UTRN: variants seen among roughly 807,000 people sequenced by gnomAD.
The protein encoded by UTRN is utrophin, also known as dystrophin-related protein 1.
Under a neutral mutation model 463.9 loss-of-function variants are expected in UTRN, and 283 were observed. That is an observed-to-expected ratio of 0.61 (90% CI 0.55 to 0.67). The LOEUF (loss-of-function observed/expected upper bound fraction) is 0.67, where lower values mean the gene tolerates loss of function less well. Ranked by LOEUF, UTRN falls within the 30% of genes least tolerant of loss-of-function variation. The pLI is 0.00. For synonymous variants in UTRN, 1,442 were observed against 1,431.5 expected, an observed-to-expected ratio of 1.01 and a Z score of -0.17; for missense variants, 3,922 against 4,084.3, an observed-to-expected ratio of 0.96 and a Z score of 1.08.
intron 34 of UTRN, among the ~76,000 whole-genome samples, chr6:144,500,929 A>G (rs990877817): frequency 1.3e-5 from 2 of 152,196 alleles, no homozygotes; most frequent in Non-Finnish European, 2.9e-5. Context: ...TAAATGATCA[A>G]TACTGTGACT....
At chr6:144,504,404 A>G (rs1212174752) in intron 34 of UTRN, among the ~76,000 whole-genome samples, 1 of 152,106 alleles carries the variant, frequency 6.6e-6, no homozygotes, top group African/African-American at 2.4e-5. Context: ...TTATTTTGAG[A>G]TATGTTCAGT....
rs542994191 is a variant in UTRN, at chr6:144,747,356, A to G, written c.7940-890A>G. On this transcript the variant is annotated intron_variant, in intron 54 of 74. Coordinates refer to ENST00000367545, the MANE Select transcript of UTRN (RefSeq NM_007124.3). ...AAGGTGTAGAAGATAGTGAGGCCCC[A>G]GGAGTGTGGAGCCATGCTGGAGACC... Among the ~76,000 whole-genome samples the G allele has an allele frequency of 2.6e-5, 4 of 152,342 alleles. No homozygotes were observed. In the East Asian group the frequency reaches 7.7e-4, roughly 29 times the overall value.
At chr6:144,608,204 A>C (rs1353630716) in intron 51 of UTRN, among the ~76,000 whole-genome samples, 1 of 152,170 alleles carries the variant, frequency 6.6e-6, no homozygotes, top group African/African-American at 2.4e-5. Context: ...GAAGGCCTTA[A>C]TAGAAAAAGA....
intron 2 of UTRN, among the ~76,000 whole-genome samples, chr6:144,348,010 A>G (rs1777755189): frequency 2.6e-5 from 4 of 151,744 alleles, no homozygotes; most frequent in Admixed American, 2.6e-4. Context: ...TACCTGGCTA[A>G]TTTTTAATAG....
chr6:144,733,262 T>A (rs1487495668), intron 54 of UTRN, among the ~76,000 whole-genome samples: 2 of 152,158 alleles, frequency 1.3e-5, no homozygotes, highest in African/African-American at 2.4e-5. Context: ...CTTACACTTG[T>A]AATCCCAGGA....
intron 51 of UTRN, among the ~76,000 whole-genome samples, chr6:144,660,452 A>C (rs375606957): frequency 6.6e-6 from 1 of 152,146 alleles, no homozygotes; most frequent in Non-Finnish European, 1.5e-5. Flanking sequence ...GCTAATTAGC[A>C]ATTACTTCCT....
intron 51 of UTRN, among the ~76,000 whole-genome samples, chr6:144,646,080 C>G (rs1387543400): frequency 6.6e-6 from 1 of 152,128 alleles, no homozygotes; most frequent in East Asian, 1.9e-4. Flanking sequence ...AGGCCTAGGT[C>G]TACTCCTTCG....
In UTRN at chr6:144,461,292, A is replaced by C; in HGVS notation, c.2803A>C (p.Asn935His). The change falls in exon 22 of 75, where the codon AAT becomes CAT. Residue 935 changes from asparagine (N) to histidine (H), a missense_variant. Asn to His is a moderately conservative substitution (Grantham distance 68). Transcript: ENST00000367545. ...AGAAAATAAGGCCCAGGTGTCTCTGAATGTCCTTAATGATCTTGCCAAGGT... is the reference window on the plus strand; with the variant it reads ...AGAAAATAAGGCCCAGGTGTCTCTGCATGTCCTTAATGATCTTGCCAAGGT... ...DSENKAQVSL[N>H]VLNDLAKVEK... 6.2e-7 allele frequency: 1 copy of C among 1,600,950 alleles called. No individual in the cohort carries two copies. Among genetic ancestry groups the C allele is most frequent in the Non-Finnish European group, 8.5e-7 (1 of 1,172,362 alleles).
At chr6:144,521,090 A>G (rs1270543992) in intron 39 of UTRN, among the ~76,000 whole-genome samples, 2 of 152,286 alleles carry the variant, frequency 1.3e-5, no homozygotes, top group Admixed American at 1.3e-4. Context: ...GTTCGAGGCC[A>G]GCCTGGCCAA....
chr6:144,718,651 G>A (rs778622801), intron 53 of UTRN, among the ~76,000 whole-genome samples: 4 of 152,204 alleles, frequency 2.6e-5, no homozygotes, highest in East Asian at 3.8e-4. Flanking sequence ...GGACTGGACT[G>A]TACCTAAGGC....
chr6:144,768,853 G>A (rs1793643563), intron 58 of UTRN, among the ~76,000 whole-genome samples: 1 of 151,956 alleles, frequency 6.6e-6, no homozygotes, highest in African/African-American at 2.4e-5. Context: ...AGGCAAAACT[G>A]GATGGCTGGC....
chr6:144,686,574 A>T (rs1228328985), intron 52 of UTRN, among the ~76,000 whole-genome samples: 2 of 152,024 alleles, frequency 1.3e-5, no homozygotes, highest in African/African-American at 2.4e-5. Context: ...GTAGCTCCAG[A>T]GCTAGACACA....
chr6:144,351,237 G>A (rs1175167655), intron 2 of UTRN, among the ~76,000 whole-genome samples: 5 of 152,122 alleles, frequency 3.3e-5, no homozygotes, highest in Non-Finnish European at 5.9e-5. Context: ...ATAATAAATG[G>A]TGTCTGTTTG....
At chr6:144,421,268 C>T (rs571960006) in intron 3 of UTRN, among the ~76,000 whole-genome samples, 4 of 151,866 alleles carry the variant, frequency 2.6e-5, no homozygotes, top group East Asian at 2.0e-4. Flanking sequence ...GCTGGAATTA[C>T]AGGCATGAAC....
intron 2 of UTRN, among the ~76,000 whole-genome samples, chr6:144,313,722 C>T (rs554464522): frequency 9.9e-5 from 15 of 152,282 alleles, no homozygotes; most frequent in East Asian, 1.9e-4. Context: ...GCCTCTAGAC[C>T]GTGCTTTAGG....
chr6:144,843,755 C>T (rs929106315), intron 73 of UTRN, among the ~76,000 whole-genome samples: 1 of 152,138 alleles, frequency 6.6e-6, no homozygotes, highest in African/African-American at 2.4e-5. Context: ...GAGTCACATT[C>T]GTCAAAAACT....
At chr6:144,566,286 T>C (rs979121188) in intron 50 of UTRN, among the ~76,000 whole-genome samples, 2 of 152,138 alleles carry the variant, frequency 1.3e-5, no homozygotes, top group Non-Finnish European at 2.9e-5. Flanking sequence ...TAAGTTCAGA[T>C]CTTTGTGAGT....
intron 51 of UTRN, among the ~76,000 whole-genome samples, chr6:144,649,919 T>C (rs1247748959): frequency 6.6e-6 from 1 of 152,142 alleles, no homozygotes; most frequent in East Asian, 1.9e-4. Flanking sequence ...TCAGGAATGA[T>C]GACGTGAAGA....
At chr6:144,476,659 G>T (rs1380593585) in intron 25 of UTRN, among the ~76,000 whole-genome samples, 1 of 152,178 alleles carries the variant, frequency 6.6e-6, no homozygotes, top group African/African-American at 2.4e-5. Context: ...GGTCCCAAAT[G>T]CTAGGTGGAG....
Sources: allele counts gnomAD v4.1 joint callset (sites outside exome capture counted in the v4.1 genomes callset), GRCh38; gene constraint gnomAD v4.1.1; transcripts MANE v1.5; gene names NCBI Gene and HGNC (gene_info 2026-07-23, HGNC 2026-07-21).